CR2: variants seen among roughly 807,000 people sequenced by gnomAD.
CR2 encodes complement receptor type 2.
A neutral mutation model predicts 123.0 loss-of-function variants in CR2; 96 were observed. The observed-to-expected ratio is 0.78, with a 90% CI of 0.66 to 0.93. The LOEUF (loss-of-function observed/expected upper bound fraction) is 0.93, where lower values mean the gene tolerates loss of function less well. CR2 is among the 40% of genes least tolerant of loss of function. CR2 has a pLI of 0.00. For synonymous variants in CR2, 484 were observed against 469.5 expected, an observed-to-expected ratio of 1.03 and a Z score of -0.40; for missense variants, 1,258 against 1,361.0, an observed-to-expected ratio of 0.92 and a Z score of 1.19.
intron 15 of CR2, among the ~76,000 whole-genome samples, chr1:207,477,170 T>G (rs948826077): frequency 6.6e-6 from 1 of 152,202 alleles, no homozygotes; most frequent in African/African-American, 2.4e-5. Context: ...GGAAAGAGAT[T>G]TAATGGACTC....
chr1:207,478,643 C>T (rs1658515332), intron 16 of CR2, among the ~76,000 whole-genome samples: 1 of 150,192 alleles, frequency 6.7e-6, no homozygotes, highest in Non-Finnish European at 1.5e-5. Flanking sequence ...AATAGAAACA[C>T]TAATTTAAAA....
rs374930981 is a variant in CR2 at position 207,473,871 on chromosome 1, G to A, written c.2226G>A (p.Thr742=). 3.2e-5 allele frequency: 51 copies of A among 1,613,726 alleles called. No individual in the cohort carries two copies. The highest frequency in any genetic ancestry group is 1.7e-4 in the African/African-American group (13 of 74,968). ...GTTCACGTGTGGAGCTAGTTAATAC[G>A]TCCTGCCAAGATGGGTGAGTATGAA... is the stretch of plus-strand genomic sequence containing the variant. ...PAGSRVELVN[T]SCQDGYQLTG... Residue 742 remains threonine, a synonymous_variant, in exon 12 of 20, where the codon ACG becomes ACA. Coordinates refer to ENST00000367057, the MANE Select transcript of CR2 (RefSeq NM_001006658.3).
Position 207,471,076 on chromosome 1 carries a change from T to C in CR2, c.1482T>C (p.Ser494=), listed in dbSNP as rs1428874131. ...TTGTTAGACCAGATGTCAACTCTTC[T>C]TGTGGTGAAGGGTGAGTGAAGGCTG... ...HQFVRPDVNS[S]CGEGYKLSGS... is the part of the protein sequence containing the mutation. Residue 494 remains serine (S), a synonymous_variant, in exon 8 of 20, where the codon TCT becomes TCC. Transcript: ENST00000367057. 4 of 1,613,516 alleles carry C rather than the reference T, an allele frequency of 2.5e-6. No homozygotes were observed. The highest frequency in any genetic ancestry group is 1.7e-5 in the Admixed American group (1 of 59,980).
intron 1 of CR2, among the ~76,000 whole-genome samples, chr1:207,465,259 A>G (rs1658065518): frequency 6.6e-6 from 1 of 152,184 alleles, no homozygotes; most frequent in Non-Finnish European, 1.5e-5. Flanking sequence ...TAAACTTTGA[A>G]AGTAATATCT....
At chr1:207,473,436 T>G in intron 10 of CR2, 109 bp from the exon 11 acceptor site, 1 of 1,267,510 alleles carries the variant, frequency 7.9e-7, no homozygotes, top group South Asian at 1.2e-5. Context: ...TTGAGCTTCA[T>G]GATCTTTGGC....
In CR2 at chr1:207,475,040, G is replaced by T; in HGVS notation, c.2540G>T (p.Cys847Phe). ...QCLRSPPVTR[C>F]PNPEVKHGYK... ...TTACGATCTCCTCCTGTGACTCGCT[G>T]CCCTAATCCAGAAGTCAAACATGGG... Residue 847 changes from cysteine to phenylalanine, a missense_variant, in exon 14 of 20, where the codon TGC becomes TTC. Physicochemically the swap from Cys to Phe is radical, Grantham distance 205 (BLOSUM62 -2). Transcript: ENST00000367057. 6.2e-7 allele frequency: 1 copy of T among 1,613,900 alleles called. No homozygotes were observed. The highest frequency in any genetic ancestry group is 8.5e-7 in the Non-Finnish European group (1 of 1,179,828).
intron 1 of CR2, among the ~76,000 whole-genome samples, chr1:207,462,438 G>A (rs937534613): frequency 7.2e-5 from 11 of 152,164 alleles, no homozygotes; most frequent in Non-Finnish European, 1.5e-4. Flanking sequence ...GCTACATAGT[G>A]AGGAATGGTA....
chr1:207,489,755 A>T lies in CR2; in HGVS notation c.*632A>T, dbSNP rs1489112953. 2.6e-5 allele frequency: 4 copies of T among 152,186 alleles called. No individual in the cohort carries two copies. The highest frequency in any genetic ancestry group is 9.7e-5 in the African/African-American group (4 of 41,434). 9.4% of individuals were successfully genotyped at this position (152,186 alleles called of 1,614,324 possible). A position where few individuals can be genotyped will look rare whatever the true frequency, so the allele number is the denominator to read the frequency against. ...TTTAAATTATGGGAATCAAGATTTA[A>T]TCCTAGAGATTTGGTGTACAATTCA... On this transcript the variant is annotated 3_prime_UTR_variant, in exon 20 of 20. Transcript: ENST00000367057.
At chr1:207,482,685 G>A (rs1043596696) in intron 18 of CR2, among the ~76,000 whole-genome samples, 4 of 152,136 alleles carry the variant, frequency 2.6e-5, no homozygotes, top group African/African-American at 9.7e-5. Flanking sequence ...GATATTTGGT[G>A]AGGATGCAAA....
chr1:207,477,802 A>G, intron 15 of CR2, 83 bp from the exon 16 acceptor site: 1 of 1,286,268 alleles, frequency 7.8e-7, no homozygotes, highest in Non-Finnish European at 1.1e-6. Context: ...GGTTTTATAA[A>G]TCTTTCTATT....
chr1:207,461,329 G>A (rs919863235), intron 1 of CR2, among the ~76,000 whole-genome samples: 2 of 152,102 alleles, frequency 1.3e-5, no homozygotes, highest in Non-Finnish European at 2.9e-5. Flanking sequence ...TAAGGGTGAA[G>A]GAGATGGAAC....
intron 18 of CR2, among the ~76,000 whole-genome samples, chr1:207,481,198 A>T (rs1439719665): frequency 6.6e-6 from 1 of 152,020 alleles, no homozygotes; most frequent in Non-Finnish European, 1.5e-5. Context: ...AATTTATTTT[A>T]TGGTATGGTA....
rs1251105045 is a variant in CR2 at position 207,476,347 on chromosome 1, C to T, written c.2830C>T (p.Leu944=). Residue 944 remains leucine, a synonymous_variant, in exon 15 of 20, where the codon CTG becomes TTG. Coordinates refer to ENST00000367057, the MANE Select transcript of CR2 (RefSeq NM_001006658.3). ...CCTGTACAGCTGTGACCAAGGCTAC[C>T]TGCTGGTGGGAGAGGCACTCCTTCT... ...SILYSCDQGY[L]LVGEALLLCT... 3.7e-6 allele frequency: 6 copies of T among 1,613,894 alleles called. No homozygotes were observed. Among genetic ancestry groups the T allele is most frequent in the Non-Finnish European group, 4.2e-6 (5 of 1,179,924 alleles).
At position 207,473,049 on chromosome 1, in the gene CR2, G is replaced by A; in HGVS notation, c.1848G>A (p.Lys616=). The A allele has an allele frequency of 6.2e-7, 1 of 1,614,002 alleles. No homozygotes were observed. Among genetic ancestry groups the A allele is most frequent in the Non-Finnish European group, 8.5e-7 (1 of 1,179,932 alleles). ...CAAATGGATACAAGATATCTGGCAA[G>A]GAAGCCCCATATTTCTACAATGACA... ...HIANGYKISG[K]EAPYFYNDTV... is the part of the protein sequence containing the mutation. Residue 616 remains lysine (K), a synonymous_variant, in exon 10 of 20, where the codon AAG becomes AAA. Coordinates refer to ENST00000367057, the MANE Select transcript of CR2 (RefSeq NM_001006658.3).
intron 1 of CR2, among the ~76,000 whole-genome samples, chr1:207,457,389 A>G (rs964805562): frequency 1.3e-5 from 2 of 152,168 alleles, no homozygotes; most frequent in African/African-American, 2.4e-5. Context: ...TGCATCATCA[A>G]TGTACCTCTT....
chr1:207,478,525 C>CAAAAAAAAAAAAAAAAAAAGAAAAAA (rs1658506795), intron 16 of CR2, among the ~76,000 whole-genome samples: 1 of 58,744 alleles, frequency 1.7e-5, no homozygotes, highest in African/African-American at 5.9e-5. Flanking sequence ...AAGACCCTAT[C>CAAAAAAAAAAAAAAAAAAAGAAAAAA]AAAAAAAAAA....
rs983979218 is a variant in CR2, at chr1:207,458,185, C to T, written c.58+3709C>T. 2.0e-5 allele frequency among the ~76,000 whole-genome samples: 3 copies of T among 151,904 alleles called. No homozygotes were observed. The South Asian group carries it at 6.2e-4, about 32-fold the overall frequency. On this transcript the variant is annotated intron_variant, in intron 1 of 19. Transcript: ENST00000367057. Reference sequence around the variant, plus strand: ...CAGAAGTCTAGAAGTCAGGAATCCTCCCATTTCCTCAGCCCCACATGTAAA... The same window carrying T: ...CAGAAGTCTAGAAGTCAGGAATCCTTCCATTTCCTCAGCCCCACATGTAAA...
chr1:207,468,923 G>T, intron 4 of CR2, 24 bp downstream of exon 4: 1 of 1,608,598 alleles, frequency 6.2e-7, no homozygotes. Flanking sequence ...TTATTTATGA[G>T]ATTTAATTCA....
intron 19 of CR2, among the ~76,000 whole-genome samples, chr1:207,487,578 T>A (rs1558200267): frequency 6.6e-6 from 1 of 152,204 alleles, no homozygotes; most frequent in Non-Finnish European, 1.5e-5. Flanking sequence ...TAGGTTTTTT[T>A]CTATAAAAAG....
Sources: allele counts gnomAD v4.1 joint callset (sites outside exome capture counted in the v4.1 genomes callset), GRCh38; gene constraint gnomAD v4.1.1; transcripts MANE v1.5; gene names NCBI Gene and HGNC (gene_info 2026-07-23, HGNC 2026-07-21).